Variants in MEF2B observed in about 807,000 individuals in gnomAD.
The protein encoded by MEF2B is myocyte-specific enhancer factor 2B.
Under a neutral mutation model 32.2 loss-of-function variants are expected in MEF2B, and 15 were observed. The ratio of observed to expected loss-of-function variants is 0.47; its 90% CI spans 0.31 to 0.72. The LOEUF (loss-of-function observed/expected upper bound fraction) is 0.72, where lower values mean the gene tolerates loss of function less well. Among genes scored for constraint, MEF2B ranks in the 30% least tolerant of loss-of-function variants. MEF2B has a pLI of 0.05. For synonymous variants in MEF2B, 205 were observed against 225.6 expected, an observed-to-expected ratio of 0.91 and a Z score of 0.82; for missense variants, 441 against 511.5, an observed-to-expected ratio of 0.86 and a Z score of 1.33.
Position 19,147,043 on chromosome 19 carries a change from C to A in MEF2B, c.534G>T (p.Gly178=), listed in dbSNP as rs765232670. 6.2e-7 allele frequency: 1 copy of A among 1,601,016 alleles called. No homozygotes were observed. The highest frequency in any genetic ancestry group is 8.5e-7 in the Non-Finnish European group (1 of 1,174,448). ...SPFRPAAPKA[G]PPGLVHPLFS... is the part of the protein sequence containing the mutation. The stretch of plus-strand genomic sequence containing the variant: ...CCACTGTCCCATGCTCACCTGGGGG[C>A]CCGGCTTTGGGGGCTGCTGGTCGGA... The change falls in exon 5 of 9, where the codon GGG becomes GGT. Residue 178 remains glycine, a synonymous_variant. Transcript: ENST00000424583.
rs774077602 is a variant in MEF2B at position 19,147,701 on chromosome 19, C to T, written c.390G>A (p.Leu130=). 2 of 1,613,130 alleles carry T rather than the reference C, an allele frequency of 1.2e-6. No individual in the cohort carries two copies. Among genetic ancestry groups the T allele is most frequent in the East Asian group, 2.2e-5 (1 of 44,874 alleles). The change falls in exon 4 of 9, where the codon CTG becomes CTA. Residue 130 remains leucine (L), a synonymous_variant. Coordinates refer to ENST00000424583, the MANE Select transcript of MEF2B (RefSeq NM_001145785.2). ...GGDPALPRPR[L]YPAAPAMPSP... ...ACAGGGCCAGGGAGTCACTTACATA[C>T]AGCCGGGGTCGGGGCAAGGCCGGAT...
intron 1 of MEF2B, among the ~76,000 whole-genome samples, chr19:19,165,212 CG>C (rs1481035201): frequency 6.6e-6 from 1 of 152,082 alleles, no homozygotes; most frequent in African/African-American, 2.4e-5. Context: ...GCCACATAAC[CG>C]TATCTGGGAA....
intron 2 of MEF2B, among the ~76,000 whole-genome samples, chr19:19,150,473 G>A (rs1396356485): frequency 2.0e-5 from 3 of 148,352 alleles, no homozygotes; most frequent in African/African-American, 7.5e-5. Flanking sequence ...GCAGTAAGCT[G>A]AGATTGCACC....
At chr19:19,165,167 C>T (rs777320138) in intron 1 of MEF2B, among the ~76,000 whole-genome samples, 7 of 152,090 alleles carry the variant, frequency 4.6e-5, no homozygotes, top group African/African-American at 7.2e-5. Context: ...CAAGGCCTCC[C>T]CCCATCACCC....
chr19:19,169,756 C>T (rs530090885), intron 1 of MEF2B, among the ~76,000 whole-genome samples: 1 of 152,250 alleles, frequency 6.6e-6, no homozygotes, highest in African/African-American at 2.4e-5. Context: ...TTTGTGCCTA[C>T]CATCCTGCTG....
At chr19:19,165,756 T>C (rs2060202823) in intron 1 of MEF2B, among the ~76,000 whole-genome samples, 1 of 152,092 alleles carries the variant, frequency 6.6e-6, no homozygotes, top group African/African-American at 2.4e-5. Flanking sequence ...CCAGGGATGG[T>C]AGGGCTTGGA....
chr19:19,153,434 T>A (rs1568549413), intron 1 of MEF2B, among the ~76,000 whole-genome samples: 1 of 151,926 alleles, frequency 6.6e-6, no homozygotes, highest in African/African-American at 2.4e-5. Context: ...TCTTTTGGGT[T>A]TCCTTCTTTT....
intron 1 of MEF2B, among the ~76,000 whole-genome samples, chr19:19,157,507 A>G (rs2157850): frequency 0.16 from 24,547 of 152,198 alleles, 2,261 homozygotes; most frequent in East Asian, 0.35. Context: ...TCCATCGAGA[A>G]GATGCACTGT....
chr19:19,164,039 T>G (rs1380122578), intron 1 of MEF2B, among the ~76,000 whole-genome samples: 1 of 151,538 alleles, frequency 6.6e-6, no homozygotes, highest in African/African-American at 2.4e-5. Context: ...CGATCTCAGC[T>G]CACCGCAACC....
In MEF2B at chr19:19,170,245, G is replaced by C. The variant is rs2060243353; in HGVS notation, c.-70C>G. On this transcript the variant is annotated 5_prime_UTR_variant, in exon 1 of 9. Transcript: ENST00000424583. ...CCTGGGACGCTGGGCGCACGGACCC[G>C]CGGCGGCTGCACGAAGATCAGGGGC... The C allele has an allele frequency of 2.5e-6, 1 of 398,442 alleles. No homozygotes were observed. The highest frequency in any genetic ancestry group is 2.1e-5 in the African/African-American group (1 of 48,642). 24.7% of individuals were successfully genotyped at this position (398,442 alleles called of 1,614,324 possible).
Position 19,146,542 on chromosome 19 carries a change from T to G in MEF2B, c.769+13A>C, listed in dbSNP as rs1599717618. 1 of 1,538,976 alleles carries G rather than the reference T, an allele frequency of 6.5e-7. No individual in the cohort carries two copies. The highest frequency in any genetic ancestry group is 8.7e-7 in the Non-Finnish European group (1 of 1,144,686). ...CGCTTCCCAGGTGGGGCAGGGCAGG[T>G]TAGGGGATGTACCTGGGGGGCCTCC... On this transcript the variant is annotated intron_variant, in intron 7 of 8. Transcript: ENST00000424583.
intron 1 of MEF2B, among the ~76,000 whole-genome samples, chr19:19,168,894 C>T (rs1347648730): frequency 2.7e-5 from 4 of 150,314 alleles, no homozygotes; most frequent in African/African-American, 9.8e-5. Flanking sequence ...ACAAAAAATG[C>T]AAAAATTAGC....
rs140287136 is a variant in MEF2B, at chr19:19,148,493, G to A, written c.259-661C>T. Among the ~76,000 whole-genome samples the A allele has an allele frequency of 1.2e-4, 18 of 152,042 alleles. No individual in the cohort carries two copies. In the South Asian group the frequency reaches 2.7e-3, roughly 23 times the overall value. ...AAAAGAAAAAAACTGCTTAAGAAAC[G>A]CCAGCAGATTTCCTGAGCTGCCTTC... On this transcript the variant is annotated intron_variant, in intron 3 of 8. Transcript: ENST00000424583.
At chr19:19,157,181 C>T (rs7257072) in intron 1 of MEF2B, 94,729 of 174,512 alleles carry the variant, frequency 0.54, 26,404 homozygotes, top group East Asian at 0.75. Flanking sequence ...CTTGGATAAT[C>T]CTCTGGCATC....
chr19:19,149,988 G>A (rs762163839), intron 2 of MEF2B, among the ~76,000 whole-genome samples: 2 of 150,616 alleles, frequency 1.3e-5, no homozygotes, highest in Admixed American at 6.7e-5. Flanking sequence ...GGAAAGCTGA[G>A]GCAGGAGAAT....
intron 1 of MEF2B, among the ~76,000 whole-genome samples, chr19:19,154,533 T>C (rs1238975564): frequency 6.6e-6 from 1 of 152,072 alleles, no homozygotes; most frequent in Non-Finnish European, 1.5e-5. Context: ...AGTCTTCACC[T>C]CCCGGGTTCA....
chr19:19,158,367 G>A (rs1256138998), intron 1 of MEF2B, among the ~76,000 whole-genome samples: 6 of 133,982 alleles, frequency 4.5e-5, no homozygotes, highest in South Asian at 2.7e-4. Flanking sequence ...GATTACAGGC[G>A]TGAGCATGGG....
chr19:19,167,490 C>T (rs551538801), intron 1 of MEF2B, among the ~76,000 whole-genome samples: 1 of 152,134 alleles, frequency 6.6e-6, no homozygotes, highest in African/African-American at 2.4e-5. Flanking sequence ...CCACTTTACT[C>T]TAGCCTGGGC....
intron 1 of MEF2B, among the ~76,000 whole-genome samples, chr19:19,156,387 CT>C (rs2060120609): frequency 6.6e-6 from 1 of 151,540 alleles, no homozygotes; most frequent in Admixed American, 6.6e-5. Context: ...AGCGAGACCC[CT>C]ATCTCTAAAA....
Sources: allele counts gnomAD v4.1 joint callset (sites outside exome capture counted in the v4.1 genomes callset), GRCh38; gene constraint gnomAD v4.1.1; transcripts MANE v1.5; gene names NCBI Gene and HGNC (gene_info 2026-07-23, HGNC 2026-07-21).